The following RALYL variants were observed in gnomAD, a reference collection of about 807,000 sequenced individuals.
The protein encoded by RALYL is RNA-binding Raly-like protein.
A neutral mutation model predicts 35.1 loss-of-function variants in RALYL; 29 were observed. The ratio of observed to expected loss-of-function variants is 0.83; its 90% CI spans 0.61 to 1.13. RALYL has a LOEUF of 1.13. RALYL is among the 50% of genes most tolerant of loss of function. The pLI is 0.00. For synonymous variants in RALYL, 120 were observed against 127.6 expected, an observed-to-expected ratio of 0.94 and a Z score of 0.40; for missense variants, 359 against 360.4, an observed-to-expected ratio of 1.00 and a Z score of 0.03.
intron 2 of RALYL, among the ~76,000 whole-genome samples, chr8:84,610,123 G>A (rs1588489149): frequency 6.6e-6 from 1 of 152,178 alleles, no homozygotes; most frequent in East Asian, 1.9e-4. Flanking sequence ...AACCATATTA[G>A]TTGATAAACC....
At chr8:84,271,733 G>A (rs565044454) in intron 1 of RALYL, among the ~76,000 whole-genome samples, 246 of 152,040 alleles carry the variant, frequency 1.6e-3, no homozygotes, top group African/African-American at 5.7e-3. Flanking sequence ...GAAGGTGCTA[G>A]ACACAAAAGA....
chr8:84,696,408 C>G (rs1839159208), intron 2 of RALYL, among the ~76,000 whole-genome samples: 1 of 151,788 alleles, frequency 6.6e-6, no homozygotes. Context: ...AATCTTGGTT[C>G]CTTCTTTGTT....
chr8:84,877,646 C>G (rs1293964401), intron 7 of RALYL, among the ~76,000 whole-genome samples: 3 of 152,148 alleles, frequency 2.0e-5, no homozygotes, highest in Non-Finnish European at 4.4e-5. Context: ...TTGATCACAG[C>G]ATCGTAGAGG....
At position 84,643,780 on chromosome 8, in the gene RALYL, C is replaced by T. The variant is rs78358685; in HGVS notation, c.256+114203C>T. Among the ~76,000 whole-genome samples, 559 of 152,102 alleles carry T rather than the reference C, an allele frequency of 3.7e-3. 6 individuals are homozygous for T. Among genetic ancestry groups the T allele is most frequent in the African/African-American group, 0.013 (537 of 41,528 alleles). On this transcript the variant is annotated intron_variant, in intron 2 of 8. Coordinates refer to ENST00000521268, the MANE Select transcript of RALYL (RefSeq NM_173848.7). ...GCCACATTCACATCCAAAGTAACCA[C>T]TTCATACGTTAGGGATAGGGGTTTA...
chr8:84,364,252 G>A (rs1048898788), intron 1 of RALYL, among the ~76,000 whole-genome samples: 8 of 152,016 alleles, frequency 5.3e-5, no homozygotes, highest in South Asian at 2.1e-4. Flanking sequence ...TAAATAGCTC[G>A]CTTTTCTTAC....
At chr8:84,682,569 G>T (rs1397700887) in intron 2 of RALYL, among the ~76,000 whole-genome samples, 2 of 152,172 alleles carry the variant, frequency 1.3e-5, no homozygotes, top group Non-Finnish European at 2.9e-5. Context: ...TTAGTGTTGG[G>T]AGAGTGTATG....
At chr8:84,261,929 C>T (rs532066294) in intron 1 of RALYL, among the ~76,000 whole-genome samples, 1 of 152,090 alleles carries the variant, frequency 6.6e-6, no homozygotes, top group Non-Finnish European at 1.5e-5. Context: ...TTCACTATTG[C>T]TCAATTGCCT....
intron 2 of RALYL, among the ~76,000 whole-genome samples, chr8:84,764,954 T>A (rs1225515318): frequency 1.3e-5 from 2 of 152,216 alleles, no homozygotes; most frequent in African/African-American, 4.8e-5. Flanking sequence ...GTCCATATTT[T>A]AGAGCCCTGG....
chr8:84,672,962 C>T (rs1254615777), intron 2 of RALYL, among the ~76,000 whole-genome samples: 1 of 152,190 alleles, frequency 6.6e-6, no homozygotes, highest in Admixed American at 6.5e-5. Flanking sequence ...CTGTCTTCCA[C>T]AAAGGCTGAA....
intron 2 of RALYL, among the ~76,000 whole-genome samples, chr8:84,555,592 A>G (rs949971801): frequency 8.5e-5 from 13 of 152,216 alleles, no homozygotes; most frequent in African/African-American, 3.1e-4. Flanking sequence ...ATCAGTGAAC[A>G]TTTGGATAAA....
At chr8:84,600,925 T>C (rs1439958351) in intron 2 of RALYL, among the ~76,000 whole-genome samples, 5 of 152,040 alleles carry the variant, frequency 3.3e-5, no homozygotes, top group African/African-American at 1.2e-4. Context: ...TGCTATTGGT[T>C]ATCAACAATA....
At chr8:84,591,652 C>G (rs1222845468) in intron 2 of RALYL, among the ~76,000 whole-genome samples, 1 of 152,148 alleles carries the variant, frequency 6.6e-6, no homozygotes. Flanking sequence ...ACAAGACATG[C>G]AGAAACATGA....
Position 84,889,904 on chromosome 8 carries a change from CACA to C in RALYL, c.858+2133_858+2135del, listed in dbSNP as rs539094417. ...ACACCCCCAAAGTTAGTTACAACTC[CACA>C]ACAAGTACCATGACCCAAGCCACGA... On this transcript the variant is annotated intron_variant, in intron 8 of 8. Transcript: ENST00000521268. Among the ~76,000 whole-genome samples the C allele has an allele frequency of 1.5e-3, 230 of 152,278 alleles. 1 individual carries two copies. Among genetic ancestry groups the C allele is most frequent in the African/African-American group, 5.1e-3 (211 of 41,574 alleles).
At chr8:84,641,329 C>G (rs1328790908) in intron 2 of RALYL, among the ~76,000 whole-genome samples, 1 of 151,340 alleles carries the variant, frequency 6.6e-6, no homozygotes, top group Admixed American at 6.6e-5. Flanking sequence ...TTTTAGTAAC[C>G]TTCAATTTTA....
At chr8:84,348,054 C>G (rs1354490482) in intron 1 of RALYL, among the ~76,000 whole-genome samples, 2 of 152,028 alleles carry the variant, frequency 1.3e-5, no homozygotes, top group African/African-American at 4.8e-5. Context: ...TGGACCTAAC[C>G]TGATCAGTTG....
chr8:84,854,374 G>GA lies in RALYL; in HGVS notation c.413+4356dup, dbSNP rs891180919. On this transcript the variant is annotated intron_variant, in intron 5 of 8. Coordinates refer to ENST00000521268, the MANE Select transcript of RALYL (RefSeq NM_173848.7). Reference sequence around the variant, plus strand: ...AAAGAAAAAGAAAAAGGAAGAAAAAGAAAAAAAAATAATGGTAGATGTATT... The same window carrying GA: ...AAAGAAAAAGAAAAAGGAAGAAAAAGAAAAAAAAAATAATGGTAGATGTATT... Among the ~76,000 whole-genome samples the GA allele has an allele frequency of 7.6e-5, 11 of 145,548 alleles. No homozygotes were observed. In the South Asian group the frequency reaches 1.3e-3, roughly 17 times the overall value.
intron 2 of RALYL, among the ~76,000 whole-genome samples, chr8:84,586,279 T>C (rs1043836635): frequency 6.6e-6 from 1 of 152,078 alleles, no homozygotes; most frequent in African/African-American, 2.4e-5. Context: ...TTAAACACTA[T>C]CATGTACTAA....
At chr8:84,911,587 T>C (rs1000284621) in intron 8 of RALYL, among the ~76,000 whole-genome samples, 1 of 152,080 alleles carries the variant, frequency 6.6e-6, no homozygotes, top group Non-Finnish European at 1.5e-5. Context: ...CAACTGGGTG[T>C]CCTATAGTTG....
chr8:84,321,468 G>T (rs1210628240), intron 1 of RALYL, among the ~76,000 whole-genome samples: 1 of 152,112 alleles, frequency 6.6e-6, no homozygotes. Context: ...TAAGTTGCTA[G>T]AGCCTATGGA....
Sources: gnomAD v4.1 joint callset for allele counts (sites outside exome capture counted in the v4.1 genomes callset) on GRCh38, gnomAD v4.1.1 for gene constraint, MANE v1.5 for transcripts, NCBI Gene and HGNC (gene_info 2026-07-23, HGNC 2026-07-21) for gene names.